The following SAMSN1 variants were observed in gnomAD, a reference collection of about 807,000 sequenced individuals.
SAMSN1 encodes SAM domain-containing protein SAMSN-1.
A neutral mutation model predicts 42.0 loss-of-function variants in SAMSN1; 31 were observed. The observed-to-expected ratio is 0.74, with a 90% CI of 0.55 to 1.00. The LOEUF is 1.00. Among genes scored for constraint, SAMSN1 ranks in the 50% least tolerant of loss-of-function variants. SAMSN1 has a pLI of 0.00. For synonymous variants in SAMSN1, 178 were observed against 151.9 expected (o/e 1.17, Z -1.26); for missense variants, 464 against 439.4 (o/e 1.06, Z -0.50).
intron 5 of SAMSN1, among the ~76,000 whole-genome samples, chr21:14,507,314 T>C (rs1431089876): frequency 6.6e-6 from 1 of 152,204 alleles, no homozygotes; most frequent in African/African-American, 2.4e-5. Flanking sequence ...TCCAGGAAGC[T>C]CCTAGAACTG....
intron 7 of SAMSN1, among the ~76,000 whole-genome samples, chr21:14,494,414 C>T (rs1304612740): frequency 6.6e-6 from 1 of 152,138 alleles, no homozygotes; most frequent in Non-Finnish European, 1.5e-5. Flanking sequence ...TTTACAGGGA[C>T]ATGGATGAAG....
At chr21:14,549,425 CT>C (rs1980527899), upstream of SAMSN1, among the ~76,000 whole-genome samples, 1 of 152,104 alleles carries the variant, frequency 6.6e-6, no homozygotes, top group Admixed American at 6.6e-5. Flanking sequence ...AAAGTAGATT[CT>C]CTGCATTGCT....
intron 4 of SAMSN1, among the ~76,000 whole-genome samples, chr21:14,610,473 C>G (rs1437027768): frequency 6.6e-6 from 1 of 152,118 alleles, no homozygotes; most frequent in Non-Finnish European, 1.5e-5. Flanking sequence ...CTAGTTTCAC[C>G]CTTAACTTCT....
chr21:14,592,018 G>A (rs1205576602), intron 7 of SAMSN1: 1 of 152,146 alleles, frequency 6.6e-6, no homozygotes, highest in Non-Finnish European at 1.5e-5. Context: ...CTATAGCTTT[G>A]GGTCAGTCTT....
intron 1 of SAMSN1, among the ~76,000 whole-genome samples, chr21:14,541,505 A>AT (rs1491572156): frequency 2.0e-5 from 3 of 151,736 alleles, no homozygotes; most frequent in African/African-American, 4.9e-5. Context: ...TTTGTTTGTG[A>AT]TTTTTTGTGG....
At chr21:14,535,031 T>C (rs1347640693) in intron 1 of SAMSN1, among the ~76,000 whole-genome samples, 1 of 152,096 alleles carries the variant, frequency 6.6e-6, no homozygotes, top group Non-Finnish European at 1.5e-5. Flanking sequence ...ACAGAGCATT[T>C]TAGGCTAAGA....
At chr21:14,586,343 C>T (rs1981919207), upstream of SAMSN1, among the ~76,000 whole-genome samples, 1 of 149,402 alleles carries the variant, frequency 6.7e-6, no homozygotes, top group Admixed American at 6.7e-5. Context: ...TATCTCAATT[C>T]TCTTATCCAT....
At chr21:14,515,171 T>C (rs1307304640) in intron 3 of SAMSN1, among the ~76,000 whole-genome samples, 1 of 152,190 alleles carries the variant, frequency 6.6e-6, no homozygotes, top group African/African-American at 2.4e-5. Context: ...CCATTGGACC[T>C]GGCAACACAG....
At chr21:14,605,768 T>A (rs1358062226) in intron 5 of SAMSN1, among the ~76,000 whole-genome samples, 1 of 151,946 alleles carries the variant, frequency 6.6e-6, no homozygotes, top group Non-Finnish European at 1.5e-5. Flanking sequence ...ACTGGGTTCC[T>A]CCTTTTATAA....
chr21:14,497,533 G>A (rs955916274), intron 7 of SAMSN1, among the ~76,000 whole-genome samples: 73 of 152,196 alleles, frequency 4.8e-4, no homozygotes, highest in South Asian at 1.7e-3. Flanking sequence ...CGGAGGTCGC[G>A]GTGAGCCGAG....
chr21:14,543,366 A>C (rs548348566), intron 1 of SAMSN1, among the ~76,000 whole-genome samples: 1 of 152,336 alleles, frequency 6.6e-6, no homozygotes, highest in Non-Finnish European at 1.5e-5. Context: ...TGATAACACT[A>C]CACATGGTAA....
At chr21:14,569,514 GA>G (rs1036984600) in intron 2 of SAMSN1, among the ~76,000 whole-genome samples, 1 of 151,914 alleles carries the variant, frequency 6.6e-6, no homozygotes, top group Admixed American at 6.6e-5. Context: ...TTTTTTGATA[GA>G]TTTTTTTCCC....
chr21:14,591,153 T>C (rs1333595973), intron 7 of SAMSN1, among the ~76,000 whole-genome samples: 2 of 152,172 alleles, frequency 1.3e-5, no homozygotes, highest in East Asian at 3.8e-4. Context: ...TTTTAAAAAT[T>C]ATTATTTTTC....
chr21:14,498,744 A>G, intron 6 of SAMSN1, 152 bp from the exon 7 acceptor site: 1 of 564,554 alleles, frequency 1.8e-6, no homozygotes, highest in Non-Finnish European at 3.0e-6. Context: ...TTTCTGACAT[A>G]TGAACTCCAG....
intron 2 of SAMSN1, among the ~76,000 whole-genome samples, chr21:14,578,586 G>A (rs1163089017): frequency 1.3e-4 from 19 of 151,128 alleles, no homozygotes; most frequent in South Asian, 4.3e-4. Context: ...GGGAGGCTGA[G>A]GCAGGAGAAT....
intron 5 of SAMSN1, among the ~76,000 whole-genome samples, chr21:14,504,523 G>A (rs1284998640): frequency 6.6e-6 from 1 of 152,148 alleles, no homozygotes; most frequent in Non-Finnish European, 1.5e-5. Flanking sequence ...CAAAGGCAAG[G>A]TCTTTGAAAT....
chr21:14,631,706 C>A (rs1433284138), intron 2 of SAMSN1, among the ~76,000 whole-genome samples: 1 of 152,174 alleles, frequency 6.6e-6, no homozygotes, highest in Non-Finnish European at 1.5e-5. Flanking sequence ...TTCCTCCCCC[C>A]AATTTTGTGC....
intron 1 of SAMSN1, among the ~76,000 whole-genome samples, chr21:14,644,011 G>A (rs530131291): frequency 1.3e-5 from 2 of 152,292 alleles, no homozygotes; most frequent in African/African-American, 4.8e-5. Flanking sequence ...TGATCCCAAT[G>A]GTCCAAGGTT....
chr21:14,603,255 C>A (rs556852440), intron 5 of SAMSN1, among the ~76,000 whole-genome samples: 1 of 152,252 alleles, frequency 6.6e-6, no homozygotes, highest in African/African-American at 2.4e-5. Flanking sequence ...ATGACTCCTT[C>A]TATAAGCATT....
Sources: allele counts gnomAD v4.1 joint callset (sites outside exome capture counted in the v4.1 genomes callset), GRCh38; gene constraint gnomAD v4.1.1; transcripts MANE v1.5; gene names NCBI Gene and HGNC (gene_info 2026-07-23, HGNC 2026-07-21).